The following PVT1 variants were observed in gnomAD, a reference collection of about 807,000 sequenced individuals.
PVT1 encodes Pvt1 oncogene.
chr8:128,002,258 C>G (rs531897996), intron 4 of PVT1, among the ~76,000 whole-genome samples: 123 of 152,310 alleles, frequency 8.1e-4, no homozygotes, highest in Non-Finnish European at 1.1e-3. Context: ...GGGCCCACCT[C>G]GGTTCCCAGG....
intron 3 of PVT1, among the ~76,000 whole-genome samples, chr8:127,975,140 A>C (rs1170467845): frequency 6.6e-6 from 1 of 152,212 alleles, no homozygotes; most frequent in African/African-American, 2.4e-5. Flanking sequence ...TCGTGCATAT[A>C]ACCTTTTTCT....
At chr8:128,079,537 ATAG>A (rs1250448589) in intron 5 of PVT1, among the ~76,000 whole-genome samples, 4 of 152,170 alleles carry the variant, frequency 2.6e-5, no homozygotes, top group African/African-American at 9.7e-5. Flanking sequence ...TGACAAATGC[ATAG>A]TGTTGTGTAC....
At chr8:128,044,010 T>C (rs1047467625) in intron 4 of PVT1, among the ~76,000 whole-genome samples, 1 of 32,362 alleles carries the variant, frequency 3.1e-5, no homozygotes, top group Non-Finnish European at 7.1e-5. Flanking sequence ...TATTATTATT[T>C]ATTTATTTTT....
intron 3 of PVT1, among the ~76,000 whole-genome samples, chr8:127,954,317 A>C (rs1463455506): frequency 2.4e-5 from 1 of 42,520 alleles, no homozygotes; most frequent in Admixed American, 3.0e-4. Flanking sequence ...TTTTTTTTTG[A>C]GACAGTCTCA....
chr8:127,882,210 C>T (rs571520787), intron 2 of PVT1, among the ~76,000 whole-genome samples: 48 of 152,222 alleles, frequency 3.2e-4, no homozygotes, highest in South Asian at 1.0e-3. Context: ...AGCAGGCACT[C>T]GAAGGCTTGG....
At chr8:127,798,041 A>G (rs1438836846) in intron 2 of PVT1, among the ~76,000 whole-genome samples, 1 of 152,052 alleles carries the variant, frequency 6.6e-6, no homozygotes, top group Non-Finnish European at 1.5e-5. Context: ...GGTGGCTCAC[A>G]CCTGTAATCC....
intron 2 of PVT1, among the ~76,000 whole-genome samples, chr8:127,823,477 A>G (rs537799967): frequency 1.4e-4 from 22 of 152,332 alleles, no homozygotes; most frequent in African/African-American, 5.1e-4. Flanking sequence ...GAAAATCCAG[A>G]TTCCCCTGCC....
intron 3 of PVT1, among the ~76,000 whole-genome samples, chr8:127,958,975 G>C (rs1206252274): frequency 6.7e-6 from 1 of 149,238 alleles, no homozygotes; most frequent in Non-Finnish European, 1.5e-5. Flanking sequence ...ACAGCACCAA[G>C]ATGGGAACCC....
intron 4 of PVT1, among the ~76,000 whole-genome samples, chr8:128,029,864 T>C (rs943773852): frequency 6.6e-6 from 1 of 152,170 alleles, no homozygotes; most frequent in African/African-American, 2.4e-5. Context: ...ATCCCAGCAT[T>C]TTGGGAGGTT....
chr8:127,850,900 G>C (rs760196977), intron 2 of PVT1, among the ~76,000 whole-genome samples: 5 of 151,962 alleles, frequency 3.3e-5, no homozygotes, highest in Admixed American at 6.6e-5. Context: ...CCAGCTACTG[G>C]GGAGGCTGAG....
intron 2 of PVT1, among the ~76,000 whole-genome samples, chr8:127,853,956 C>T (rs1815133079): frequency 6.6e-6 from 1 of 152,154 alleles, no homozygotes; most frequent in Admixed American, 6.5e-5. Flanking sequence ...TTGCTCTGTC[C>T]TGCCCTTTCT....
chr8:127,962,886 A>C (rs1416098312), intron 3 of PVT1, among the ~76,000 whole-genome samples: 1 of 152,118 alleles, frequency 6.6e-6, no homozygotes. Flanking sequence ...ATGAGCCTCC[A>C]TGCCTGGCCT....
intron 3 of PVT1, among the ~76,000 whole-genome samples, chr8:127,917,861 C>A (rs1816006169): frequency 6.6e-6 from 1 of 152,252 alleles, no homozygotes; most frequent in African/African-American, 2.4e-5. Flanking sequence ...GTGTTTCCGA[C>A]AGGCCAGCTG....
At chr8:127,973,180 G>A (rs1392549355) in intron 3 of PVT1, among the ~76,000 whole-genome samples, 1 of 152,122 alleles carries the variant, frequency 6.6e-6, no homozygotes, top group Admixed American at 6.5e-5. Context: ...ACAGGTGTGG[G>A]CCACCATGCC....
intron 3 of PVT1, among the ~76,000 whole-genome samples, chr8:127,960,080 T>C (rs1183871748): frequency 6.6e-6 from 1 of 152,226 alleles, no homozygotes; most frequent in Non-Finnish European, 1.5e-5. Context: ...TCTGGAAATT[T>C]CCCTGATTTC....
chr8:128,020,378 G>T (rs1396539356), intron 4 of PVT1, among the ~76,000 whole-genome samples: 1 of 152,202 alleles, frequency 6.6e-6, no homozygotes, highest in Non-Finnish European at 1.5e-5. Flanking sequence ...AAAGGCAGAG[G>T]TTTTCTCCGA....
intron 3 of PVT1, among the ~76,000 whole-genome samples, chr8:127,953,815 T>A (rs1816537000): frequency 6.6e-6 from 1 of 152,164 alleles, no homozygotes; most frequent in African/African-American, 2.4e-5. Flanking sequence ...TTTCCTTTCC[T>A]CTTCTTTTCT....
intron 3 of PVT1, among the ~76,000 whole-genome samples, chr8:127,957,230 G>A (rs961089387): frequency 6.6e-6 from 1 of 152,148 alleles, no homozygotes; most frequent in African/African-American, 2.4e-5. Flanking sequence ...ATGATAGCCT[G>A]TGACATGAAG....
chr8:127,927,074 G>T (rs766047996), intron 3 of PVT1, among the ~76,000 whole-genome samples: 1 of 152,204 alleles, frequency 6.6e-6, no homozygotes, highest in South Asian at 2.1e-4. Context: ...CATGGAACTT[G>T]GTAGCAAACA....
Sources: allele counts gnomAD v4.1 joint callset (sites outside exome capture counted in the v4.1 genomes callset), GRCh38; gene constraint gnomAD v4.1.1; transcripts MANE v1.5; gene names NCBI Gene and HGNC (gene_info 2026-07-23, HGNC 2026-07-21).